The following RASSF8 variants were observed in gnomAD, a reference collection of about 807,000 sequenced individuals.
RASSF8 encodes ras association domain-containing protein 8.
RASSF8 carries 22 observed loss-of-function variants against 48.5 expected under a neutral mutation model. The observed-to-expected ratio is 0.45, with a 90% CI of 0.32 to 0.65. RASSF8 has a LOEUF of 0.65. Ranked by LOEUF, RASSF8 falls within the 30% of genes least tolerant of loss-of-function variation. The pLI is 0.03. For synonymous variants in RASSF8, 127 were observed against 171.5 expected (o/e 0.74, Z 2.03); for missense variants, 418 against 489.2 (o/e 0.85, Z 1.37).
rs375522391 is a variant in RASSF8 at position 26,016,056 on chromosome 12, A to G, written c.-109+20926A>G. ...TGCCTGTCGAGCAGTCATAATCTCT[A>G]AAATTGGAGACTCAGAACCTTCAAC... On this transcript the variant is annotated intron_variant, in intron 2 of 5. Coordinates refer to ENST00000689635, the MANE Select transcript of RASSF8 (RefSeq NM_001394098.1). Among the ~76,000 whole-genome samples, 353 of 152,232 alleles carry G rather than the reference A, an allele frequency of 2.3e-3. 11 individuals carry two copies. In the South Asian group the frequency reaches 0.068, roughly 29 times the overall value.
At chr12:26,047,752 G>C (rs763197989) in intron 2 of RASSF8, among the ~76,000 whole-genome samples, 19 of 152,194 alleles carry the variant, frequency 1.2e-4, no homozygotes, top group Admixed American at 1.0e-3. Flanking sequence ...CACCTGCCTG[G>C]GTCCCTTCAG....
intron 2 of RASSF8, among the ~76,000 whole-genome samples, chr12:25,999,712 A>T (rs1401201378): frequency 6.6e-6 from 1 of 152,234 alleles, no homozygotes; most frequent in Non-Finnish European, 1.5e-5. Flanking sequence ...ATTTGCAGAT[A>T]ATAAAAAGTT....
intron 2 of RASSF8, among the ~76,000 whole-genome samples, chr12:26,043,839 A>G (rs1057427375): frequency 6.6e-6 from 1 of 152,190 alleles, no homozygotes; most frequent in African/African-American, 2.4e-5. Context: ...CATATGATGC[A>G]GTCCGTTTAT....
chr12:25,990,359 T>C (rs1436232935), intron 1 of RASSF8, among the ~76,000 whole-genome samples: 1 of 152,240 alleles, frequency 6.6e-6, no homozygotes, highest in African/African-American at 2.4e-5. Context: ...AGGCATTAGT[T>C]ACATTTCACA....
In RASSF8 at chr12:26,070,242, T is replaced by C. The variant is rs777850488; in HGVS notation, c.*1424T>C. On this transcript the variant is annotated 3_prime_UTR_variant, in exon 6 of 6. Transcript: ENST00000689635. ...TAATATAGTAATGCCATGGTAACAA[T>C]AGAGCTATGTCTTATGCATGAAGGC... is the stretch of plus-strand genomic sequence containing the variant. The C allele has an allele frequency of 3.1e-5, 30 of 979,250 alleles. No homozygotes were observed. Among genetic ancestry groups the C allele is most frequent in the Non-Finnish European group, 3.2e-5 (26 of 824,476 alleles). 60.7% of individuals were successfully genotyped at this position (979,250 alleles called of 1,614,324 possible). A position where few individuals can be genotyped will look rare whatever the true frequency, so the allele number is the denominator to read the frequency against.
At chr12:26,006,630 A>G (rs1942398378) in intron 2 of RASSF8, among the ~76,000 whole-genome samples, 1 of 152,192 alleles carries the variant, frequency 6.6e-6, no homozygotes, top group South Asian at 2.1e-4. Flanking sequence ...AGAGGGAACT[A>G]GGGCACTATT....
intron 3 of RASSF8, among the ~76,000 whole-genome samples, chr12:26,059,977 A>C (rs1230565510): frequency 6.6e-6 from 1 of 152,168 alleles, no homozygotes; most frequent in Non-Finnish European, 1.5e-5. Context: ...CGCTCACTGC[A>C]AGCTCCGCCT....
intron 2 of RASSF8, among the ~76,000 whole-genome samples, chr12:26,054,546 TA>T (rs1174264787): frequency 6.6e-6 from 1 of 152,210 alleles, no homozygotes; most frequent in African/African-American, 2.4e-5. Flanking sequence ...TTCCTTTGAC[TA>T]AGATTTTTTA....
At chr12:26,021,630 C>G (rs972922756) in intron 2 of RASSF8, 1 of 152,246 alleles carries the variant, frequency 6.6e-6, no homozygotes, top group Non-Finnish European at 1.5e-5. Flanking sequence ...TCTAATTGCC[C>G]TCACCCCACC....
intron 1 of RASSF8, among the ~76,000 whole-genome samples, chr12:25,970,422 A>G (rs1941459760): frequency 6.6e-6 from 1 of 151,984 alleles, no homozygotes; most frequent in African/African-American, 2.4e-5. Context: ...ATGCCACCTC[A>G]CCTTGAGTAA....
intron 1 of RASSF8, among the ~76,000 whole-genome samples, chr12:25,981,213 A>G (rs1941734759): frequency 6.6e-6 from 1 of 152,188 alleles, no homozygotes; most frequent in Admixed American, 6.5e-5. Context: ...ACCCAGAGCC[A>G]GGAAACGAGA....
At position 26,069,897 on chromosome 12, in the gene RASSF8, A is replaced by G. The variant is rs1370620192; in HGVS notation, c.*1079A>G. The G allele has an allele frequency of 1.0e-6, 1 of 981,518 alleles. No homozygotes were observed. Among genetic ancestry groups the G allele is most frequent in the Non-Finnish European group, 1.2e-6 (1 of 826,438 alleles). 60.8% of individuals were successfully genotyped at this position (981,518 alleles called of 1,614,324 possible). On this transcript the variant is annotated 3_prime_UTR_variant, in exon 6 of 6. Coordinates refer to ENST00000689635, the MANE Select transcript of RASSF8 (RefSeq NM_001394098.1). The stretch of plus-strand genomic sequence containing the variant: ...AGGTTAAACCTAGGTACTTTTTAGC[A>G]AGGATATAAAGTCAAATTCAGCATA...
rs1943995590 is a variant in RASSF8, at chr12:26,071,327, A to G, written c.*2509A>G. 2.1e-6 allele frequency: 2 copies of G among 972,748 alleles called. No individual in the cohort carries two copies. The highest frequency in any genetic ancestry group is 1.2e-6 in the Non-Finnish European group (1 of 818,558). The allele number at this position is 972,748 out of a possible 1,614,324, so 60.3% of individuals were successfully genotyped here. On this transcript the variant is annotated 3_prime_UTR_variant, in exon 6 of 6. Coordinates refer to ENST00000689635, the MANE Select transcript of RASSF8 (RefSeq NM_001394098.1). ...GAGGGGTAGTGGGCAATGGTATACA[A>G]AAATACCAAATATAAAATTTTCATC...
downstream of RASSF8, among the ~76,000 whole-genome samples, chr12:26,073,979 C>A: frequency 6.7e-6 from 1 of 148,748 alleles, no homozygotes; most frequent in African/African-American, 2.5e-5. Context: ...GAGAGAGTCT[C>A]ACTCTAAAAA....
intron 2 of RASSF8, among the ~76,000 whole-genome samples, chr12:26,033,906 G>A (rs1026019476): frequency 5.9e-5 from 9 of 151,996 alleles, no homozygotes; most frequent in African/African-American, 2.2e-4. Flanking sequence ...GTAAAATGGG[G>A]ATGAGAATAA....
Position 26,071,184 on chromosome 12 carries a change from A to C in RASSF8, c.*2366A>C, listed in dbSNP as rs1943992314. 1 of 977,874 alleles carries C rather than the reference A, an allele frequency of 1.0e-6. No individual in the cohort carries two copies. The highest frequency in any genetic ancestry group is 4.7e-5 in the South Asian group (1 of 21,114). The allele number at this position is 977,874 out of a possible 1,614,324, so 60.6% of individuals were successfully genotyped here. On this transcript the variant is annotated 3_prime_UTR_variant, in exon 6 of 6. Coordinates refer to ENST00000689635, the MANE Select transcript of RASSF8 (RefSeq NM_001394098.1). ...CTAAGGAATATTTTCTAAGACTCAG[A>C]GGGAAAAAAACTCGTTTTCATAGGA...
In RASSF8 at chr12:26,068,575, G is replaced by T. The variant is rs878989738; in HGVS notation, c.1139-122G>T. ...TCTCCCCCAGCCCAGGGCACACAGG[G>T]GATTGCAATTATTGCTCTATGCAGT... On this transcript the variant is annotated intron_variant, in intron 5 of 5. Transcript: ENST00000689635. 5 of 746,448 alleles carry T rather than the reference G, an allele frequency of 6.7e-6. No individual in the cohort carries two copies. The African/African-American group carries it at 7.1e-5, about 11-fold the overall frequency. 46.2% of individuals were successfully genotyped at this position (746,448 alleles called of 1,614,324 possible). A position where few individuals can be genotyped will look rare whatever the true frequency, so the allele number is the denominator to read the frequency against.
chr12:26,053,649 A>G lies in RASSF8; in HGVS notation c.-108-1587A>G, dbSNP rs546980798. 4.6e-5 allele frequency among the ~76,000 whole-genome samples: 7 copies of G among 152,296 alleles called. No individual in the cohort carries two copies. The South Asian group carries it at 1.5e-3, about 32-fold the overall frequency. ...TTTAACTTTGGAAGCCTTTATCCCC[A>G]GGAACTTTAACATCTCACAGGCCCT... On this transcript the variant is annotated intron_variant, in intron 2 of 5. Transcript: ENST00000689635.
chr12:26,066,188 G>A (rs372322293), intron 4 of RASSF8, among the ~76,000 whole-genome samples: 1 of 152,104 alleles, frequency 6.6e-6, no homozygotes, highest in African/African-American at 2.4e-5. Flanking sequence ...TGTACGGGCC[G>A]TGCAGACACA....
Sources: gnomAD v4.1 joint callset for allele counts (sites outside exome capture counted in the v4.1 genomes callset) on GRCh38, gnomAD v4.1.1 for gene constraint, MANE v1.5 for transcripts, NCBI Gene and HGNC (gene_info 2026-07-23, HGNC 2026-07-21) for gene names.